The following PKHD1 variants were observed in gnomAD, a reference collection of about 807,000 sequenced individuals.
PKHD1 encodes fibrocystin.
In PKHD1, 291 loss-of-function variants were observed where a neutral mutation model predicts 412.0. The observed-to-expected ratio is 0.71, with a 90% CI of 0.64 to 0.78. The LOEUF is 0.78. Ranked by LOEUF, PKHD1 falls within the 30% of genes least tolerant of loss-of-function variation. The probability of loss-of-function intolerance (pLI) is 0.00; values close to 1 mark genes in which losing one functional copy is unlikely to be tolerated. For missense variants in PKHD1, 4,825 were observed against 4,950.7 expected (o/e 0.97, Z 0.76); for synonymous variants, 1,777 against 1,821.5 (o/e 0.98, Z 0.62).
chr6:51,830,237 A>T (rs1005220378), intron 52 of PKHD1, among the ~76,000 whole-genome samples: 4 of 143,156 alleles, frequency 2.8e-5, no homozygotes, highest in African/African-American at 8.1e-5. Context: ...ATATTCTGGA[A>T]CTTTTGAAAA....
intron 52 of PKHD1, among the ~76,000 whole-genome samples, chr6:51,813,817 G>A (rs1351590828): frequency 6.6e-6 from 1 of 152,050 alleles, no homozygotes; most frequent in Non-Finnish European, 1.5e-5. Flanking sequence ...AGCATGGGGT[G>A]GCAAAAACTA....
rs1479319785 is a variant in PKHD1 at position 51,926,351 on chromosome 6, GT to G, written c.6121+7758del. ...GCACCTGGACTCAGCTGTGCCTCAAGTTTTTTCTTTTCGCCTCAAGTTTTTT... is the reference window on the plus strand; with the variant it reads ...GCACCTGGACTCAGCTGTGCCTCAAGTTTTTCTTTTCGCCTCAAGTTTTTT... On this transcript the variant is annotated intron_variant, in intron 37 of 66. Transcript: ENST00000371117. Among the ~76,000 whole-genome samples the G allele has an allele frequency of 4.6e-5, 7 of 152,176 alleles. 1 individual carries two copies. Among genetic ancestry groups the G allele is most frequent in the Admixed American group, 1.3e-4 (2 of 15,290 alleles).
At chr6:51,934,471 A>G (rs1452145681) in intron 36 of PKHD1, 149 bp from the exon 37 acceptor site, 4 of 674,756 alleles carry the variant, frequency 5.9e-6, no homozygotes, top group Non-Finnish European at 1.1e-5. Flanking sequence ...GAAGCACAGT[A>G]GGGTAGACCA....
intron 37 of PKHD1, among the ~76,000 whole-genome samples, chr6:51,920,568 G>A (rs1243076064): frequency 6.6e-6 from 1 of 152,144 alleles, no homozygotes; most frequent in Non-Finnish European, 1.5e-5. Context: ...GTTTATCAGG[G>A]ATATTGGTCT....
chr6:51,649,875 A>G (rs1188722183), intron 61 of PKHD1, among the ~76,000 whole-genome samples: 1 of 152,226 alleles, frequency 6.6e-6, no homozygotes, highest in African/African-American at 2.4e-5. Context: ...CTTCAGTTGC[A>G]TGAAGCATCT....
intron 46 of PKHD1, among the ~76,000 whole-genome samples, chr6:51,880,779 T>TAAAAAAAAAAAAAAAAAAAAAA (rs71544105): frequency 1.2e-3 from 37 of 30,042 alleles, no homozygotes; most frequent in South Asian, 2.8e-3. Context: ...AAAAAAAAAT[T>TAAAAAAAAAAAAAAAAAAAAAA]AAAAAAAAAA....
chr6:51,634,588 C>G (rs549527053), intron 64 of PKHD1, among the ~76,000 whole-genome samples: 2 of 152,284 alleles, frequency 1.3e-5, no homozygotes, highest in East Asian at 3.9e-4. Flanking sequence ...ATAAGATACA[C>G]ATAACAAACA....
Position 51,748,477 on chromosome 6 carries a change from C to T in PKHD1, c.9139G>A (p.Ala3047Thr), listed in dbSNP as rs1342303932. ...CCCTCTAAATCTATGCCATGGCCAG[C>T]TGTGCCAAACACAATATTGTCATTT... is the stretch of plus-strand genomic sequence containing the variant. Reference protein sequence around the residue: ...LLNDNIVFGTAGHGIDLEGQA... With the variant: ...LLNDNIVFGTTGHGIDLEGQA... The change falls in exon 58 of 67, where the codon GCT (alanine) becomes ACT (threonine). Residue 3047 changes from alanine to threonine, a missense_variant. Transcript: ENST00000371117. 3.1e-6 allele frequency: 5 copies of T among 1,613,822 alleles called. No homozygotes were observed. The highest frequency in any genetic ancestry group is 2.5e-6 in the Non-Finnish European group (3 of 1,179,894).
chr6:51,851,850 A>C (rs1309554508), intron 49 of PKHD1, among the ~76,000 whole-genome samples: 3 of 152,092 alleles, frequency 2.0e-5, no homozygotes, highest in African/African-American at 4.8e-5. Flanking sequence ...TTTTCAAAAA[A>C]CCAGCTCCTG....
At chr6:51,711,806 T>C (rs1347599287) in intron 60 of PKHD1, among the ~76,000 whole-genome samples, 1 of 152,214 alleles carries the variant, frequency 6.6e-6, no homozygotes, top group African/African-American at 2.4e-5. Flanking sequence ...TAAATGCTAA[T>C]ATTTAGAAGA....
intron 53 of PKHD1, among the ~76,000 whole-genome samples, chr6:51,784,436 C>T (rs1792537570): frequency 6.6e-6 from 1 of 152,126 alleles, no homozygotes; most frequent in African/African-American, 2.4e-5. Flanking sequence ...ACGAGACAGA[C>T]GTTTCAAACA....
intron 37 of PKHD1, among the ~76,000 whole-genome samples, chr6:51,923,066 A>G (rs1784949942): frequency 6.6e-6 from 1 of 152,218 alleles, no homozygotes; most frequent in African/African-American, 2.4e-5. Context: ...CTATTCAGCC[A>G]TCTTGGAACC....
In PKHD1 at chr6:52,069,908, A is replaced by G. The variant is rs571192647; in HGVS notation, c.708-381T>C. 1.3e-3 allele frequency among the ~76,000 whole-genome samples: 204 copies of G among 152,332 alleles called. 1 individual carries two copies. The highest frequency in any genetic ancestry group is 4.7e-3 in the African/African-American group (195 of 41,576). On this transcript the variant is annotated intron_variant, in intron 10 of 66. Transcript: ENST00000371117. Reference sequence around the variant, plus strand: ...TAGCTATAATTGTCACTGTCATTACAAGGCAATTATTATCAATTAGACCCT... The same window carrying G: ...TAGCTATAATTGTCACTGTCATTACGAGGCAATTATTATCAATTAGACCCT...
At chr6:51,933,967 C>T in intron 37 of PKHD1, 143 bp downstream of exon 37, 2 of 705,360 alleles carry the variant, frequency 2.8e-6, no homozygotes, top group South Asian at 1.5e-5. Context: ...AACAGTTTTA[C>T]TTGTTATTTA....
chr6:51,875,006 G>A lies in PKHD1; in HGVS notation c.7351-4367C>T, dbSNP rs1370529894. Among the ~76,000 whole-genome samples, 22 of 58,982 alleles carry A rather than the reference G, an allele frequency of 3.7e-4. 3 individuals carry two copies. Among genetic ancestry groups the A allele is most frequent in the African/African-American group, 6.8e-4 (9 of 13,184 alleles). The allele number at this position is 58,982 out of a possible 152,430, so 38.7% of individuals were successfully genotyped here. A position where few individuals can be genotyped will look rare whatever the true frequency, so the allele number is the denominator to read the frequency against. Reference sequence around the variant, plus strand: ...CGAGTCAAAGAAAGGGGTGACGGACGCACCTGGAAAATCGGGTCACTCCCA... The same window carrying A: ...CGAGTCAAAGAAAGGGGTGACGGACACACCTGGAAAATCGGGTCACTCCCA... On this transcript the variant is annotated intron_variant, in intron 46 of 66. Transcript: ENST00000371117.
intron 53 of PKHD1, among the ~76,000 whole-genome samples, chr6:51,784,113 T>C (rs147362551): frequency 5.3e-4 from 81 of 152,294 alleles, no homozygotes; most frequent in African/African-American, 1.8e-3. Flanking sequence ...ATAATGGAGA[T>C]AGGACACTAA....
chr6:51,921,719 C>A (rs561160054), intron 37 of PKHD1, among the ~76,000 whole-genome samples: 1 of 152,130 alleles, frequency 6.6e-6, no homozygotes, highest in East Asian at 1.9e-4. Flanking sequence ...TTGATTAAAT[C>A]GGCTACTGAA....
At chr6:51,948,533 G>C (rs1465813344) in intron 36 of PKHD1, among the ~76,000 whole-genome samples, 2 of 152,060 alleles carry the variant, frequency 1.3e-5, no homozygotes, top group Non-Finnish European at 2.9e-5. Flanking sequence ...TTCTTATTTT[G>C]TTTATTGACT....
At chr6:52,047,329 A>C (rs1806019204) in intron 23 of PKHD1, among the ~76,000 whole-genome samples, 1 of 152,152 alleles carries the variant, frequency 6.6e-6, no homozygotes. Flanking sequence ...ACCCTATTAT[A>C]ATAAAAATAC....
Sources: gnomAD v4.1 joint callset for allele counts (sites outside exome capture counted in the v4.1 genomes callset) on GRCh38, gnomAD v4.1.1 for gene constraint, MANE v1.5 for transcripts, NCBI Gene and HGNC (gene_info 2026-07-23, HGNC 2026-07-21) for gene names.